EPHA3: variants seen among roughly 807,000 people sequenced by gnomAD.
EPHA3 encodes ephrin type-A receptor 3.
EPHA3 carries 42 observed loss-of-function variants against 107.1 expected under a neutral mutation model. The ratio of observed to expected loss-of-function variants is 0.39; its 90% confidence interval spans 0.31 to 0.51. The LOEUF (loss-of-function observed/expected upper bound fraction) is 0.51. Among genes scored for constraint, EPHA3 ranks in the 20% least tolerant of loss-of-function variants. EPHA3 has a pLI of 0.78. For synonymous variants in EPHA3, 461 were observed against 424.8 expected, an observed-to-expected ratio of 1.09 and a Z score of -1.05; for missense variants, 1,183 against 1,211.2, an observed-to-expected ratio of 0.98 and a Z score of 0.35.
chr3:89,124,248 G>C (rs573911814), intron 1 of EPHA3, among the ~76,000 whole-genome samples: 76 of 152,242 alleles, frequency 5.0e-4, no homozygotes, highest in African/African-American at 1.8e-3. Context: ...ATCAGTGTGA[G>C]ATTTAAGATA....
chr3:89,416,396 C>G (rs1364294937), intron 10 of EPHA3, among the ~76,000 whole-genome samples: 1 of 151,346 alleles, frequency 6.6e-6, no homozygotes, highest in Non-Finnish European at 1.5e-5. Flanking sequence ...CCAGATGAAA[C>G]TATTGCAAAT....
chr3:89,223,273 G>T (rs1298610589), intron 3 of EPHA3, among the ~76,000 whole-genome samples: 1 of 152,100 alleles, frequency 6.6e-6, no homozygotes, highest in Non-Finnish European at 1.5e-5. Flanking sequence ...GCTTCAGTGC[G>T]GAACTATTAG....
intron 2 of EPHA3, among the ~76,000 whole-genome samples, chr3:89,198,278 C>T (rs1705893292): frequency 6.6e-6 from 1 of 152,106 alleles, no homozygotes; most frequent in Admixed American, 6.5e-5. Context: ...TGCTGCTTCC[C>T]AAGTGGCAAA....
At chr3:89,194,031 G>T (rs1705780092) in intron 2 of EPHA3, among the ~76,000 whole-genome samples, 1 of 151,898 alleles carries the variant, frequency 6.6e-6, no homozygotes, top group Non-Finnish European at 1.5e-5. Context: ...GTAAACATAT[G>T]ATAATTTTCA....
At chr3:89,231,219 T>G (rs2107225233) in intron 3 of EPHA3, among the ~76,000 whole-genome samples, 1 of 152,258 alleles carries the variant, frequency 6.6e-6, no homozygotes, top group South Asian at 2.1e-4. Context: ...TCTTAATATA[T>G]GACATTAGTA....
chr3:89,351,479 G>A (rs1237669965), intron 5 of EPHA3, among the ~76,000 whole-genome samples: 9 of 149,860 alleles, frequency 6.0e-5, no homozygotes, highest in African/African-American at 7.3e-5. Flanking sequence ...TTCGGCTCGC[G>A]CACGGTGCGC....
At chr3:89,262,963 CTTTTTTTT>C (rs532365863) in intron 3 of EPHA3, among the ~76,000 whole-genome samples, 6,716 of 97,510 alleles carry the variant, frequency 0.069, 581 homozygotes, top group African/African-American at 0.22. Flanking sequence ...TTACAGCGCT[CTTTTTTTT>C]TTTTTTTTTT....
At chr3:89,116,404 G>A (rs568596326) in intron 1 of EPHA3, among the ~76,000 whole-genome samples, 11 of 151,984 alleles carry the variant, frequency 7.2e-5, no homozygotes, top group East Asian at 1.9e-4. Context: ...ATTTCCCCCC[G>A]TTTAAAATAT....
rs1343418551 is a variant in EPHA3 at position 89,134,118 on chromosome 3, A to G, written c.153+6845A>G. ...TTTGCTTCAAATGCCGAACAACCGCAGAATGGTCAACTTTGAGTTCTTCGG... is the reference window on the plus strand; with the variant it reads ...TTTGCTTCAAATGCCGAACAACCGCGGAATGGTCAACTTTGAGTTCTTCGG... On this transcript the variant is annotated intron_variant, in intron 2 of 16. Coordinates refer to ENST00000336596, the MANE Select transcript of EPHA3 (RefSeq NM_005233.6). Among the ~76,000 whole-genome samples the G allele has an allele frequency of 2.6e-5, 4 of 152,010 alleles. No homozygotes were observed. The East Asian group carries it at 5.8e-4, about 22-fold the overall frequency.
At chr3:89,137,551 G>A (rs1704342179) in intron 2 of EPHA3, among the ~76,000 whole-genome samples, 1 of 151,948 alleles carries the variant, frequency 6.6e-6, no homozygotes, top group African/African-American at 2.4e-5. Context: ...TAATGGCTAT[G>A]ATGTATACAA....
chr3:89,370,051 T>C (rs943836017), intron 5 of EPHA3, among the ~76,000 whole-genome samples: 3 of 150,670 alleles, frequency 2.0e-5, no homozygotes, highest in Non-Finnish European at 4.4e-5. Flanking sequence ...ACTTTTACAA[T>C]GTTGGTGGGA....
chr3:89,362,453 A>G (rs1708112392), intron 5 of EPHA3, among the ~76,000 whole-genome samples: 1 of 151,028 alleles, frequency 6.6e-6, no homozygotes, highest in Admixed American at 6.6e-5. Flanking sequence ...AGCTGCTTTT[A>G]CTTTCTGTAT....
intron 15 of EPHA3, among the ~76,000 whole-genome samples, chr3:89,469,703 G>A (rs1710362859): frequency 6.6e-6 from 1 of 152,132 alleles, no homozygotes; most frequent in African/African-American, 2.4e-5. Context: ...ATCAATGATT[G>A]CTACTCATAT....
chr3:89,218,685 A>C (rs1704277359), intron 3 of EPHA3, among the ~76,000 whole-genome samples: 1 of 152,156 alleles, frequency 6.6e-6, no homozygotes, highest in South Asian at 2.1e-4. Context: ...TGGTATTTCT[A>C]GTTCTAGAAG....
chr3:89,346,757 C>A (rs1443646382), intron 5 of EPHA3, among the ~76,000 whole-genome samples: 1 of 147,612 alleles, frequency 6.8e-6, no homozygotes, highest in Non-Finnish European at 1.5e-5. Context: ...TTAGGTCTAA[C>A]GTTTAAGTCT....
intron 2 of EPHA3, among the ~76,000 whole-genome samples, chr3:89,208,576 G>A (rs1314862945): frequency 8.3e-6 from 1 of 120,496 alleles, no homozygotes; most frequent in Non-Finnish European, 1.8e-5. Context: ...AAAAGAAAGA[G>A]AAAGAAAGAA....
chr3:89,147,776 G>GCC (rs1299661430), intron 2 of EPHA3, among the ~76,000 whole-genome samples: 1 of 151,892 alleles, frequency 6.6e-6, no homozygotes, highest in African/African-American at 2.4e-5. Flanking sequence ...AAAGATGCTA[G>GCC]TATGAAGGTG....
intron 3 of EPHA3, among the ~76,000 whole-genome samples, chr3:89,250,841 T>C (rs938083272): frequency 7.2e-5 from 11 of 152,180 alleles, no homozygotes; most frequent in African/African-American, 2.7e-4. Context: ...CTGATCACTG[T>C]AACTAGGTAA....
chr3:89,324,378 C>A (rs1334858386), intron 3 of EPHA3, among the ~76,000 whole-genome samples: 1 of 151,818 alleles, frequency 6.6e-6, no homozygotes, highest in Non-Finnish European at 1.5e-5. Context: ...CCCATGTTGG[C>A]CAGGCTGGTC....
Sources: gnomAD v4.1 joint callset for allele counts (sites outside exome capture counted in the v4.1 genomes callset) on GRCh38, gnomAD v4.1.1 for gene constraint, MANE v1.5 for transcripts, NCBI Gene and HGNC (gene_info 2026-07-23, HGNC 2026-07-21) for gene names.